SIK3: variants seen among roughly 807,000 people sequenced by gnomAD.
The protein encoded by SIK3 is SIK family kinase 3.
A neutral mutation model predicts 144.2 loss-of-function variants in SIK3; 28 were observed. That is an observed-to-expected ratio of 0.19 (90% CI 0.14 to 0.27). SIK3 has a LOEUF of 0.27. Among genes scored for constraint, SIK3 ranks in the 10% least tolerant of loss-of-function variants. The pLI, the probability that SIK3 is intolerant of heterozygous loss-of-function variation, is 1.00. For synonymous variants in SIK3, 686 were observed against 676.3 expected, an observed-to-expected ratio of 1.01 and a Z score of -0.22; for missense variants, 1,319 against 1,776.0, an observed-to-expected ratio of 0.74 and a Z score of 4.62.
intron 1 of SIK3, among the ~76,000 whole-genome samples, chr11:116,988,431 T>A (rs1167675202): frequency 6.6e-6 from 1 of 151,494 alleles, no homozygotes; most frequent in African/African-American, 2.4e-5. Flanking sequence ...CTAATGATAA[T>A]TTTTAAAAGA....
intron 1 of SIK3, among the ~76,000 whole-genome samples, chr11:117,014,691 T>C (rs779969730): frequency 6.6e-6 from 1 of 152,238 alleles, no homozygotes; most frequent in Non-Finnish European, 1.5e-5. Flanking sequence ...CCATGATGTT[T>C]TGATAGATGT....
At chr11:117,032,771 G>C (rs1952320360) in intron 1 of SIK3, among the ~76,000 whole-genome samples, 1 of 149,034 alleles carries the variant, frequency 6.7e-6, no homozygotes, top group Admixed American at 6.7e-5. Context: ...GTATTTTATT[G>C]TATGAATATA....
At chr11:117,021,109 G>A (rs1392616828) in intron 1 of SIK3, among the ~76,000 whole-genome samples, 1 of 152,118 alleles carries the variant, frequency 6.6e-6, no homozygotes, top group Non-Finnish European at 1.5e-5. Context: ...TTGGTGTGTG[G>A]GGACACACTC....
chr11:116,987,321 T>TAAAAAAAAAA (rs35342917), intron 1 of SIK3, among the ~76,000 whole-genome samples: 8 of 137,284 alleles, frequency 5.8e-5, no homozygotes, highest in Non-Finnish European at 9.4e-5. Flanking sequence ...CATAAAAGAT[T>TAAAAAAAAAA]AAAAAAAAAA....
At chr11:116,944,181 G>T (rs1591388571) in intron 3 of SIK3, among the ~76,000 whole-genome samples, 3 of 152,136 alleles carry the variant, frequency 2.0e-5, no homozygotes, top group South Asian at 4.1e-4. Flanking sequence ...TCTGCAGAGT[G>T]AAGAACTTGG....
chr11:117,021,928 CAAAAAAAAAAAAAAAAAA>C (rs71037444), intron 1 of SIK3, among the ~76,000 whole-genome samples: 40 of 58,954 alleles, frequency 6.8e-4, no homozygotes, highest in East Asian at 1.3e-3. Context: ...TCTGTCTCTA[CAAAAAAAAAAAAAAAAAA>C]AAAAAAAAAA....
At chr11:116,903,700 G>A (rs190429477) in intron 4 of SIK3, among the ~76,000 whole-genome samples, 3 of 152,126 alleles carry the variant, frequency 2.0e-5, no homozygotes, top group African/African-American at 7.2e-5. Context: ...TCCTGCCTCA[G>A]CCTCCTAAGT....
chr11:116,952,061 G>A (rs1948961419), intron 3 of SIK3, among the ~76,000 whole-genome samples: 1 of 152,010 alleles, frequency 6.6e-6, no homozygotes, highest in South Asian at 2.1e-4. Context: ...ACATTAAGAT[G>A]ACATGATCTT....
intron 1 of SIK3, among the ~76,000 whole-genome samples, chr11:117,013,951 T>TGTGTGTGTGTGTGTGTG (rs1350690829): frequency 2.1e-5 from 2 of 95,360 alleles, no homozygotes; most frequent in African/African-American, 7.2e-5. Flanking sequence ...TGTGTGTGTG[T>TGTGTGTGTGTGTGTGTG]TTTATTTCTT....
intron 3 of SIK3, 100 bp downstream of exon 3, chr11:116,953,944 C>CA: frequency 1.2e-6 from 1 of 825,760 alleles, no homozygotes; most frequent in Non-Finnish European, 2.0e-6. Context: ...AGAACAGCAT[C>CA]AAGTGACTGC....
chr11:117,075,799 C>G (rs1954490684), intron 1 of SIK3, among the ~76,000 whole-genome samples: 1 of 148,334 alleles, frequency 6.7e-6, no homozygotes, highest in African/African-American at 2.5e-5. Context: ...CACATTGGCT[C>G]CCAAAGTGCT....
intron 1 of SIK3, among the ~76,000 whole-genome samples, chr11:117,010,096 T>G (rs1246424160): frequency 6.6e-6 from 1 of 151,892 alleles, no homozygotes; most frequent in Non-Finnish European, 1.5e-5. Context: ...GGAAGTGGCT[T>G]CTTCCTGGGA....
intron 4 of SIK3, among the ~76,000 whole-genome samples, chr11:116,915,058 A>T (rs1946546076): frequency 6.6e-6 from 1 of 151,698 alleles, no homozygotes; most frequent in Non-Finnish European, 1.5e-5. Flanking sequence ...CACACTATTT[A>T]TTTCAATTAT....
chr11:117,021,225 C>A (rs960971462), intron 1 of SIK3, among the ~76,000 whole-genome samples: 1 of 152,162 alleles, frequency 6.6e-6, no homozygotes, highest in East Asian at 1.9e-4. Context: ...GCAGTTTCTA[C>A]ACGAGAGAAG....
In SIK3 at chr11:117,083,214, GA is replaced by G. The variant is rs1440598122; in HGVS notation, c.273+14928del. 2.0e-5 allele frequency among the ~76,000 whole-genome samples: 3 copies of G among 152,162 alleles called. No homozygotes were observed. In the East Asian group the frequency reaches 5.8e-4, roughly 29 times the overall value. On this transcript the variant is annotated intron_variant, in intron 1 of 24. Transcript: ENST00000445177. ...ACTGGATGCAGCTGCTGCCTCAAAA[GA>G]AAGGAGGAAAATGAGATCGGAAGAG...
chr11:116,983,151 C>G (rs982287053), intron 1 of SIK3, among the ~76,000 whole-genome samples: 2 of 150,614 alleles, frequency 1.3e-5, no homozygotes, highest in South Asian at 4.2e-4. Context: ...GGCATAAACC[C>G]GGGAGGCGGA....
chr11:116,929,322 T>C (rs1285847899), intron 3 of SIK3, among the ~76,000 whole-genome samples: 1 of 152,198 alleles, frequency 6.6e-6, no homozygotes, highest in East Asian at 1.9e-4. Context: ...TATGAAGGTT[T>C]ACCATCAGAA....
chr11:116,942,068 A>G (rs1948337246), intron 3 of SIK3, among the ~76,000 whole-genome samples: 1 of 152,240 alleles, frequency 6.6e-6, no homozygotes, highest in South Asian at 2.1e-4. Context: ...TACACTGCTT[A>G]GAATTCATAA....
intron 1 of SIK3, among the ~76,000 whole-genome samples, chr11:117,086,433 T>G (rs1268765001): frequency 6.6e-6 from 1 of 152,230 alleles, no homozygotes; most frequent in Non-Finnish European, 1.5e-5. Flanking sequence ...GGCTCACGCC[T>G]ATAATCCCAG....
Sources: allele counts gnomAD v4.1 joint callset (sites outside exome capture counted in the v4.1 genomes callset), GRCh38; gene constraint gnomAD v4.1.1; transcripts MANE v1.5; gene names NCBI Gene and HGNC (gene_info 2026-07-23, HGNC 2026-07-21).